TERF2: variants seen among roughly 807,000 people sequenced by gnomAD.
TERF2 encodes telomeric repeat-binding factor 2.
Under a neutral mutation model 56.1 loss-of-function variants are expected in TERF2, and 16 were observed. The ratio of observed to expected loss-of-function variants is 0.29; its 90% CI spans 0.19 to 0.43. TERF2 has a LOEUF of 0.43. TERF2 is among the 20% of genes least tolerant of loss of function. TERF2 has a pLI of 1.00. For synonymous variants in TERF2, 296 were observed against 282.1 expected (o/e 1.05, Z -0.50); for missense variants, 547 against 712.9 (o/e 0.77, Z 2.65).
chr16:69,379,695 TATTA>T (rs1476061487), intron 3 of TERF2, among the ~76,000 whole-genome samples: 2 of 152,170 alleles, frequency 1.3e-5, no homozygotes, highest in African/African-American at 2.4e-5. Flanking sequence ...TTTAAATATT[TATTA>T]ATTCATTAGA....
In TERF2 at chr16:69,366,845, G is replaced by A. The variant is rs2013365477; in HGVS notation, c.1302C>T (p.Thr434=). ...EAASAPPSKP[T]VLNQPLPGEK... ...CTCCAGGGAGGGGTTGGTTGAGAACGGTGGGCTTGGATGGTGGCGCTGAAG... is the reference window on the plus strand; with the variant it reads ...CTCCAGGGAGGGGTTGGTTGAGAACAGTGGGCTTGGATGGTGGCGCTGAAG... Residue 434 remains threonine (T), a synonymous_variant, in exon 7 of 10, where the codon ACC becomes ACT. Transcript: ENST00000254942. 5.0e-6 allele frequency: 8 copies of A among 1,614,014 alleles called. No individual in the cohort carries two copies. Among genetic ancestry groups the A allele is most frequent in the Middle Eastern group, 1.7e-4 (1 of 5,918 alleles).
chr16:69,377,249 G>A (rs1429631283), intron 3 of TERF2, among the ~76,000 whole-genome samples: 1 of 151,844 alleles, frequency 6.6e-6, no homozygotes, highest in Non-Finnish European at 1.5e-5. Flanking sequence ...GACTGGAATT[G>A]TATTAACTCT....
intron 3 of TERF2, among the ~76,000 whole-genome samples, chr16:69,383,947 G>A (rs906104395): frequency 2.0e-5 from 3 of 152,120 alleles, no homozygotes; most frequent in African/African-American, 7.2e-5. Flanking sequence ...CCACTTCTAT[G>A]TTTTAAATTA....
chr16:69,375,085 T>C (rs1020552138), intron 3 of TERF2, among the ~76,000 whole-genome samples: 2 of 152,184 alleles, frequency 1.3e-5, no homozygotes, highest in Non-Finnish European at 2.9e-5. Context: ...TGGTACACTA[T>C]CAATAGTTCA....
intron 3 of TERF2, among the ~76,000 whole-genome samples, chr16:69,376,441 T>G (rs2142754247): frequency 6.6e-6 from 1 of 152,342 alleles, no homozygotes; most frequent in Non-Finnish European, 1.5e-5. Context: ...TCATAATTCT[T>G]AAAATTGGGT....
At chr16:69,385,360 AG>A in intron 2 of TERF2, 30 bp downstream of exon 2, 4 of 1,578,216 alleles carry the variant, frequency 2.5e-6, no homozygotes, top group Non-Finnish European at 3.5e-6. Flanking sequence ...TACGCAAGTA[AG>A]CCCAGAGAAG....
intron 3 of TERF2, among the ~76,000 whole-genome samples, chr16:69,377,670 G>A (rs746251015): frequency 7.2e-5 from 11 of 152,058 alleles, no homozygotes; most frequent in Non-Finnish European, 1.5e-4. Context: ...AGACTTACAC[G>A]TATTTCTTTC....
intron 6 of TERF2, 87 bp from the exon 7 acceptor site, chr16:69,367,286 T>C (rs2013389141): frequency 1.4e-6 from 2 of 1,431,964 alleles, no homozygotes; most frequent in Admixed American, 4.8e-5. Context: ...GTTTGAAGCT[T>C]CAAATTCCAG....
chr16:69,374,739 G>C (rs2013711337), intron 3 of TERF2, among the ~76,000 whole-genome samples: 1 of 149,440 alleles, frequency 6.7e-6, no homozygotes, highest in Non-Finnish European at 1.5e-5. Flanking sequence ...AGGCTGAGGT[G>C]GGCAGATCAT....
chr16:69,367,023 T>C lies in TERF2; in HGVS notation c.1124A>G (p.Lys375Arg). The C allele has an allele frequency of 6.2e-7, 1 of 1,614,232 alleles. No individual in the cohort carries two copies. The highest frequency in any genetic ancestry group is 8.5e-7 in the Non-Finnish European group (1 of 1,180,032). The stretch of plus-strand genomic sequence containing the variant: ...CGGGGCTGAACTTTCGTTTTCATCT[T>C]TTCTGGGTCTCTTGTTTTTGAGGGC... ...SPALKNKRPR[K>R]DENESSAPAD... The change falls in exon 7 of 10, where the codon AAA (lysine) becomes AGA (arginine). Residue 375 changes from lysine (K) to arginine (R), a missense_variant. This residue lies in a region of TERF2 where 211 missense variants were observed against 236.8 expected (regional missense o/e 0.89). Coordinates refer to ENST00000254942, the MANE Select transcript of TERF2 (RefSeq NM_005652.5).
chr16:69,361,238 G>GA (rs375985765), intron 8 of TERF2, 166 bp downstream of exon 8: 144,349 of 504,930 alleles, frequency 0.29, 65 homozygotes, highest in South Asian at 0.35. Context: ...TCTGAAAAAG[G>GA]AAAAAAAAAA....
At chr16:69,376,970 G>A (rs753566219) in intron 3 of TERF2, among the ~76,000 whole-genome samples, 1 of 151,936 alleles carries the variant, frequency 6.6e-6, no homozygotes, top group Non-Finnish European at 1.5e-5. Flanking sequence ...GGAGGCCGAC[G>A]CAGGCGGATT....
Position 69,367,012 on chromosome 16 carries a change from C to G in TERF2, c.1135G>C (p.Glu379Gln). 1.2e-6 allele frequency: 2 copies of G among 1,614,204 alleles called. No homozygotes were observed. The highest frequency in any genetic ancestry group is 1.7e-6 in the Non-Finnish European group (2 of 1,180,030). The part of the protein sequence containing the change: ...KNKRPRKDEN[E>Q]SSAPADGEGG... ...TCACCGTCAGCCGGGGCTGAACTTTCGTTTTCATCTTTTCTGGGTCTCTTG... is the reference window on the plus strand; with the variant it reads ...TCACCGTCAGCCGGGGCTGAACTTTGGTTTTCATCTTTTCTGGGTCTCTTG... Residue 379 changes from glutamate to glutamine, a missense_variant, in exon 7 of 10, where the codon GAA (glutamate) becomes CAA (glutamine). Glu to Gln is a conservative substitution (Grantham distance 29). Around this residue, in one of 6 missense-constraint regions of TERF2, gnomAD observed 211 missense variants for 236.8 expected, o/e 0.89. Coordinates refer to ENST00000254942, the MANE Select transcript of TERF2 (RefSeq NM_005652.5).
chr16:69,372,634 T>C (rs2013619477), intron 3 of TERF2, among the ~76,000 whole-genome samples: 1 of 152,036 alleles, frequency 6.6e-6, no homozygotes, highest in East Asian at 1.9e-4. Flanking sequence ...TGGTGGTGCA[T>C]GCCTGTAATC....
Position 69,356,640 on chromosome 16 carries a change from A to C in TERF2, c.*258T>G. ...ACGGTGAAACCCCGTCTCTACTAAA[A>C]ATACAAAACATTAGCCGGGCGTGAT... On this transcript the variant is annotated 3_prime_UTR_variant, in exon 10 of 10. Coordinates refer to ENST00000254942, the MANE Select transcript of TERF2 (RefSeq NM_005652.5). The C allele has an allele frequency of 3.0e-6, 1 of 331,716 alleles. No individual in the cohort carries two copies. Among genetic ancestry groups the C allele is most frequent in the Non-Finnish European group, 5.6e-6 (1 of 179,762 alleles). The allele number at this position is 331,716 out of a possible 1,614,324, so 20.5% of individuals were successfully genotyped here. A position where few individuals can be genotyped will look rare whatever the true frequency, so the allele number is the denominator to read the frequency against.
At chr16:69,385,021 C>G (rs944057139) in intron 2 of TERF2, among the ~76,000 whole-genome samples, 2 of 152,082 alleles carry the variant, frequency 1.3e-5, no homozygotes, top group African/African-American at 4.8e-5. Context: ...AAACTGACAA[C>G]AGCTAAATAG....
At chr16:69,384,769 C>T in intron 2 of TERF2, 59 bp from the exon 3 acceptor site, 1 of 1,445,874 alleles carries the variant, frequency 6.9e-7, no homozygotes, top group African/African-American at 1.4e-5. Flanking sequence ...AAAGTTATGT[C>T]CAAAAATTAT....
At chr16:69,362,703 C>G (rs533875680) in intron 7 of TERF2, among the ~76,000 whole-genome samples, 1 of 152,310 alleles carries the variant, frequency 6.6e-6, no homozygotes, top group Non-Finnish European at 1.5e-5. Flanking sequence ...TTCTTCTAAT[C>G]AACTTTGCAT....
intron 3 of TERF2, 69 bp downstream of exon 3, chr16:69,384,511 G>T (rs1249079499): frequency 6.5e-7 from 1 of 1,536,040 alleles, no homozygotes; most frequent in Non-Finnish European, 8.8e-7. Context: ...ACAGTAAAGA[G>T]TAAGTGCTGT....
Sources: gnomAD v4.1 joint callset for allele counts (sites outside exome capture counted in the v4.1 genomes callset) on GRCh38, gnomAD v4.1.1 for gene constraint, gnomAD v4.1.1 regional missense constraint, MANE v1.5 for transcripts, NCBI Gene and HGNC (gene_info 2026-07-23, HGNC 2026-07-21) for gene names.